COL5A2: variants seen among roughly 807,000 people sequenced by gnomAD.
COL5A2 encodes collagen alpha-2(V) chain.
Under a neutral mutation model 208.2 loss-of-function variants are expected in COL5A2, and 23 were observed. The observed-to-expected ratio is 0.11, with a 90% CI of 0.08 to 0.16. The LOEUF (loss-of-function observed/expected upper bound fraction) is 0.16. Among genes scored for constraint, COL5A2 ranks in the 10% least tolerant of loss-of-function variants. COL5A2 has a pLI of 1.00. For missense variants in COL5A2, 1,590 were observed against 1,956.4 expected, an observed-to-expected ratio of 0.81 and a Z score of 3.53; for synonymous variants, 625 against 628.5, an observed-to-expected ratio of 0.99 and a Z score of 0.08.
the COL5A2 span, among the ~76,000 whole-genome samples, chr2:189,389,619 CAT>C: frequency 6.6e-6 from 1 of 152,080 alleles, no homozygotes; most frequent in African/African-American, 2.4e-5. Context: ...GTCTTTCAAC[CAT>C]ATGTATAATC....
At chr2:189,217,471 T>C (rs1689293607) in intron 1 of COL5A2, among the ~76,000 whole-genome samples, 1 of 152,132 alleles carries the variant, frequency 6.6e-6, no homozygotes, top group Non-Finnish European at 1.5e-5. Flanking sequence ...GAAGCTGAAT[T>C]GGGGAAACAC....
chr2:189,084,819 A>G (rs1161299205), intron 11 of COL5A2, among the ~76,000 whole-genome samples: 1 of 152,214 alleles, frequency 6.6e-6, no homozygotes, highest in Non-Finnish European at 1.5e-5. Context: ...ATGTATTGCC[A>G]TCAGAGCAAC....
chr2:189,064,633 G>C lies in COL5A2; in HGVS notation c.1640C>G (p.Pro547Arg). Residue 547 changes from proline (P) to arginine (R), a missense_variant, in exon 25 of 54, where the codon CCT (proline) becomes CGT (arginine). Physicochemically the swap from Pro to Arg is moderately radical, Grantham distance 103. Coordinates refer to ENST00000374866, the MANE Select transcript of COL5A2 (RefSeq NM_000393.5). ...GPKGAQGERG[P>R]VGSSGPKGSQ... is the part of the protein sequence containing the mutation. Reference sequence around the variant, plus strand: ...TCCTTTGGGTCCTGAAGAACCTACAGGACCCCGTTCTCCTTGAGCACCCTG... The same window carrying C: ...TCCTTTGGGTCCTGAAGAACCTACACGACCCCGTTCTCCTTGAGCACCCTG... The C allele has an allele frequency of 6.2e-7, 1 of 1,613,822 alleles. No homozygotes were observed.
At chr2:189,414,838 C>T in the COL5A2 span, among the ~76,000 whole-genome samples, 1 of 150,834 alleles carries the variant, frequency 6.6e-6, no homozygotes, top group Non-Finnish European at 1.5e-5. Context: ...AAGGACACAA[C>T]AGCATTAGAT....
chr2:189,180,065 C>T (rs754916388), upstream of COL5A2, among the ~76,000 whole-genome samples: 20 of 152,062 alleles, frequency 1.3e-4, no homozygotes, highest in South Asian at 6.2e-4. Flanking sequence ...AACCCTTCCC[C>T]CCAGACACAC....
rs149769590 is a variant in COL5A2, at chr2:189,173,597, G to A, written c.97+5911C>T. Among the ~76,000 whole-genome samples, 969 of 152,096 alleles carry A rather than the reference G, an allele frequency of 6.4e-3. 15 individuals are homozygous for A. The highest frequency in any genetic ancestry group is 0.021 in the African/African-American group (859 of 41,478). ...TAAATATATATGAACTTTATATGGA[G>A]ATAAATTTAAGAAAACTAGATTATC... is the stretch of plus-strand genomic sequence containing the variant. On this transcript the variant is annotated intron_variant, in intron 1 of 53. Transcript: ENST00000374866.
At position 189,179,760 on chromosome 2, in the gene COL5A2, G is replaced by A. The variant is rs1688749430; in HGVS notation, c.-156C>T. 4.4e-6 allele frequency: 6 copies of A among 1,352,768 alleles called. No individual in the cohort carries two copies. Among genetic ancestry groups the A allele is most frequent in the Non-Finnish European group, 6.0e-6 (6 of 996,496 alleles). The allele number at this position is 1,352,768 out of a possible 1,614,324, so 83.8% of individuals were successfully genotyped here. ...TTCAGCACCAGCTCCAGCACAGTCT[G>A]CGAAAACTTTTTTCAAGCGATGCAG... On this transcript the variant is annotated 5_prime_UTR_variant, in exon 1 of 54. Transcript: ENST00000374866.
intron 46 of COL5A2, among the ~76,000 whole-genome samples, chr2:189,045,571 T>C (rs1685648883): frequency 6.6e-6 from 1 of 152,220 alleles, no homozygotes; most frequent in Non-Finnish European, 1.5e-5. Context: ...TACAGCATTT[T>C]CAGATGATGG....
At chr2:189,075,554 A>G (rs1303886853) in intron 16 of COL5A2, 117 bp from the exon 17 acceptor site, 1 of 755,212 alleles carries the variant, frequency 1.3e-6, no homozygotes, top group African/African-American at 1.8e-5. Flanking sequence ...ATTAAAGTTA[A>G]CTGACAATAA....
At chr2:189,089,492 G>A (rs1215387304) in intron 7 of COL5A2, among the ~76,000 whole-genome samples, 2 of 152,168 alleles carry the variant, frequency 1.3e-5, no homozygotes, top group African/African-American at 4.8e-5. Context: ...AGAAAAATGT[G>A]TATGAACTTT....
In COL5A2 at chr2:189,045,943, T is replaced by C. The variant is rs549726737; in HGVS notation, c.3202-36A>G. ...TAACCATGATATTATTTTTTAACATTTATTCTAAAACAACAATATTCCATA... is the reference window on the plus strand; with the variant it reads ...TAACCATGATATTATTTTTTAACATCTATTCTAAAACAACAATATTCCATA... On this transcript the variant is annotated intron_variant, in intron 45 of 53. Transcript: ENST00000374866. 2.4e-5 allele frequency: 38 copies of C among 1,565,286 alleles called. No homozygotes were observed. The African/African-American group carries it at 4.5e-4, about 18-fold the overall frequency.
At position 189,034,161 on chromosome 2, in the gene COL5A2, G is replaced by A. The variant is rs140109751; in HGVS notation, c.4409C>T (p.Ala1470Val). The A allele has an allele frequency of 6.2e-7, 1 of 1,613,994 alleles. No individual in the cohort carries two copies. Among genetic ancestry groups the A allele is most frequent in the African/African-American group, 1.3e-5 (1 of 75,032 alleles). Reference protein sequence around the residue: ...TVFEYRTQNVARLPIIDLAPV... With the variant: ...TVFEYRTQNVVRLPIIDLAPV... ...AGCAAGATCTATGATGGGCAAGCGT[G>A]CCACATTCTGTGTTCTATATTCAAA... The change falls in exon 54 of 54, where the codon GCA (alanine) becomes GTA (valine). Residue 1470 changes from alanine (A) to valine (V), a missense_variant. Ala to Val is a moderately conservative substitution (Grantham distance 64). Transcript: ENST00000374866.
chr2:189,276,373 C>G, the COL5A2 span, among the ~76,000 whole-genome samples: 3 of 152,138 alleles, frequency 2.0e-5, no homozygotes, highest in Non-Finnish European at 2.9e-5. Context: ...ATAATACTTA[C>G]TGGATTACAT....
intron 1 of COL5A2, among the ~76,000 whole-genome samples, chr2:189,190,043 A>G (rs1688903656): frequency 6.6e-6 from 1 of 152,208 alleles, no homozygotes; most frequent in Admixed American, 6.5e-5. Context: ...TTGCATCTAC[A>G]TAAATCTGAG....
the COL5A2 span, among the ~76,000 whole-genome samples, chr2:189,249,743 C>G: frequency 6.6e-6 from 1 of 152,212 alleles, no homozygotes; most frequent in Non-Finnish European, 1.5e-5. Flanking sequence ...GTCACTCAGG[C>G]TGGAGTGCAG....
chr2:189,141,447 C>A (rs1049344276), intron 1 of COL5A2, among the ~76,000 whole-genome samples: 1 of 152,046 alleles, frequency 6.6e-6, no homozygotes, highest in African/African-American at 2.4e-5. Flanking sequence ...GTTTTCAGAG[C>A]CTTATCTTTG....
intron 11 of COL5A2, among the ~76,000 whole-genome samples, 159 bp downstream of exon 11, chr2:189,085,001 T>C (rs1445449878): frequency 1.3e-5 from 2 of 152,208 alleles, no homozygotes; most frequent in African/African-American, 4.8e-5. Context: ...TTTTAGATAT[T>C]TGTAAAATTC....
the COL5A2 span, among the ~76,000 whole-genome samples, chr2:189,243,178 C>A: frequency 6.6e-6 from 1 of 150,898 alleles, no homozygotes; most frequent in Non-Finnish European, 1.5e-5. Flanking sequence ...TAGAAGAACA[C>A]TGGAAGCTTA....
At chr2:189,356,421 CTTTG>C in the COL5A2 span, among the ~76,000 whole-genome samples, 4 of 152,134 alleles carry the variant, frequency 2.6e-5, no homozygotes, top group Admixed American at 6.5e-5. Flanking sequence ...TTCTTGGAGG[CTTTG>C]TTTGTTTCTC....
Sources: allele counts gnomAD v4.1 joint callset (sites outside exome capture counted in the v4.1 genomes callset), GRCh38; gene constraint gnomAD v4.1.1; transcripts MANE v1.5; gene names NCBI Gene and HGNC (gene_info 2026-07-23, HGNC 2026-07-21).